MSI2: variants seen among roughly 807,000 people sequenced by gnomAD.
The protein encoded by MSI2 is RNA-binding protein Musashi homolog 2.
In MSI2, 17 loss-of-function variants were observed where a neutral mutation model predicts 45.6. That is an observed-to-expected ratio of 0.37 (90% CI 0.26 to 0.56). MSI2 has a LOEUF of 0.56. MSI2 is among the 20% of genes least tolerant of loss of function. MSI2 has a pLI of 0.77. For missense variants in MSI2, 293 were observed against 444.2 expected (o/e 0.66, Z 3.06); for synonymous variants, 156 against 158.2 (o/e 0.99, Z 0.11).
intron 5 of MSI2, among the ~76,000 whole-genome samples, chr17:57,398,067 T>C (rs2083921641): frequency 6.6e-6 from 1 of 151,854 alleles, no homozygotes; most frequent in African/African-American, 2.4e-5. Context: ...TGCCTCTGTG[T>C]TTAGGGCTCT....
intron 5 of MSI2, chr17:57,263,766 C>G (rs964917962): frequency 6.6e-6 from 1 of 152,214 alleles, no homozygotes; most frequent in Admixed American, 6.5e-5. Context: ...AACTTGAAAA[C>G]GAGACAGAAT....
rs1913808538 is a variant in MSI2 at position 57,684,497 on chromosome 17, T to C, written c.*4980T>C. The C allele has an allele frequency of 5.8e-6, 1 of 173,460 alleles. No individual in the cohort carries two copies. The highest frequency in any genetic ancestry group is 1.2e-5 in the Non-Finnish European group (1 of 80,326). 10.7% of individuals were successfully genotyped at this position (173,460 alleles called of 1,614,324 possible). ...TTTCAGGTCTTTGTGTGTGGCTTTCTTAAAGCCCTGTTGTAAAAAATTACT... is the reference window on the plus strand; with the variant it reads ...TTTCAGGTCTTTGTGTGTGGCTTTCCTAAAGCCCTGTTGTAAAAAATTACT... On this transcript the variant is annotated 3_prime_UTR_variant, in exon 14 of 14. Transcript: ENST00000284073.
intron 9 of MSI2, among the ~76,000 whole-genome samples, chr17:57,619,893 T>A (rs9891812): frequency 0.016 from 2,440 of 152,284 alleles, 63 homozygotes; most frequent in African/African-American, 0.054. Flanking sequence ...GTAAAGATAT[T>A]GTTGCAGTTC....
chr17:57,600,034 G>A (rs1567927305), intron 8 of MSI2, among the ~76,000 whole-genome samples: 1 of 152,208 alleles, frequency 6.6e-6, no homozygotes, highest in Non-Finnish European at 1.5e-5. Context: ...AAGGGTGTTG[G>A]TAGAGAAGCC....
chr17:57,542,355 T>G (rs2087068443), intron 7 of MSI2, among the ~76,000 whole-genome samples: 1 of 152,254 alleles, frequency 6.6e-6, no homozygotes. Context: ...CAAGAGCTGC[T>G]TCACTCTGTG....
At chr17:57,304,713 C>T (rs549715247) in intron 5 of MSI2, among the ~76,000 whole-genome samples, 2 of 152,156 alleles carry the variant, frequency 1.3e-5, no homozygotes, top group East Asian at 1.9e-4. Flanking sequence ...TGTGAGCCAT[C>T]GCACCCAGCC....
chr17:57,364,529 C>T (rs1917046796), intron 5 of MSI2, among the ~76,000 whole-genome samples: 1 of 152,212 alleles, frequency 6.6e-6, no homozygotes, highest in Admixed American at 6.5e-5. Flanking sequence ...GGAACACAAT[C>T]CACAGATGGT....
chr17:57,356,281 CTT>C (rs1047278153), intron 5 of MSI2, among the ~76,000 whole-genome samples: 2 of 152,272 alleles, frequency 1.3e-5, no homozygotes, highest in Non-Finnish European at 1.5e-5. Context: ...TGCATAACTT[CTT>C]TTTTGGCGGG....
intron 6 of MSI2, among the ~76,000 whole-genome samples, chr17:57,471,277 C>CTTTTTT (rs529448901): frequency 1.2e-5 from 1 of 83,712 alleles, no homozygotes; most frequent in African/African-American, 5.1e-5. Context: ...TTATGGAGCA[C>CTTTTTT]TTTTTTTTTT....
intron 7 of MSI2, among the ~76,000 whole-genome samples, chr17:57,570,743 T>C (rs889527651): frequency 2.6e-5 from 4 of 152,218 alleles, no homozygotes; most frequent in Admixed American, 6.5e-5. Flanking sequence ...CCACTGCAAT[T>C]GCTCATATGG....
chr17:57,258,872 T>G (rs967610711), intron 4 of MSI2, among the ~76,000 whole-genome samples: 1 of 152,138 alleles, frequency 6.6e-6, no homozygotes, highest in Non-Finnish European at 1.5e-5. Flanking sequence ...CTGGCGGAGC[T>G]GAGCTGGGCA....
At chr17:57,579,652 C>G (rs1401145154) in intron 7 of MSI2, among the ~76,000 whole-genome samples, 1 of 152,198 alleles carries the variant, frequency 6.6e-6, no homozygotes, top group African/African-American at 2.4e-5. Flanking sequence ...AGGCAGCCGT[C>G]TTCTGGAACC....
chr17:57,535,601 G>A (rs1738787687), intron 7 of MSI2, among the ~76,000 whole-genome samples: 1 of 152,276 alleles, frequency 6.6e-6, no homozygotes. Context: ...AGGAATAACA[G>A]CCCTGAGACC....
chr17:57,492,416 A>G (rs1419573014), intron 6 of MSI2, among the ~76,000 whole-genome samples: 3 of 152,220 alleles, frequency 2.0e-5, no homozygotes, highest in Non-Finnish European at 4.4e-5. Context: ...GACCAGATCA[A>G]TACTGAGGGT....
chr17:57,558,187 G>T (rs1358432285), intron 7 of MSI2, among the ~76,000 whole-genome samples: 1 of 152,106 alleles, frequency 6.6e-6, no homozygotes. Context: ...ACGCCGTTAT[G>T]GTCTCAGCGT....
chr17:57,348,004 C>T (rs992233482), intron 5 of MSI2, among the ~76,000 whole-genome samples: 7 of 152,222 alleles, frequency 4.6e-5, no homozygotes, highest in African/African-American at 9.6e-5. Context: ...GTTGTGTGCA[C>T]GGTGCCCTTG....
chr17:57,385,043 T>G (rs2083661504), intron 5 of MSI2, among the ~76,000 whole-genome samples: 1 of 152,172 alleles, frequency 6.6e-6, no homozygotes, highest in South Asian at 2.1e-4. Flanking sequence ...CTTAAATCTT[T>G]TCCCTCTTTG....
chr17:57,515,695 TG>T (rs2086457427), intron 6 of MSI2, among the ~76,000 whole-genome samples: 1 of 152,164 alleles, frequency 6.6e-6, no homozygotes. Context: ...CATGTATTCA[TG>T]TGACAGAATA....
chr17:57,440,413 C>CATGTGTGTGT (rs1491418144), intron 6 of MSI2, among the ~76,000 whole-genome samples: 28 of 104,530 alleles, frequency 2.7e-4, no homozygotes, highest in Admixed American at 9.0e-4. Flanking sequence ...GTTTGTTATC[C>CATGTGTGTGT]GTGTGTGTGT....
Sources: gnomAD v4.1 joint callset for allele counts (sites outside exome capture counted in the v4.1 genomes callset) on GRCh38, gnomAD v4.1.1 for gene constraint, MANE v1.5 for transcripts, NCBI Gene and HGNC (gene_info 2026-07-23, HGNC 2026-07-21) for gene names.